HIVEP2: variants seen among roughly 807,000 people sequenced by gnomAD.
HIVEP2 encodes transcription factor HIVEP2.
HIVEP2 carries 14 observed loss-of-function variants against 180.7 expected under a neutral mutation model. The ratio of observed to expected loss-of-function variants is 0.08; its 90% CI spans 0.05 to 0.12. HIVEP2 has a LOEUF of 0.12. HIVEP2 is among the 10% of genes least tolerant of loss of function. The pLI is 1.00. For synonymous variants in HIVEP2, 1,184 were observed against 1,136.4 expected (o/e 1.04, Z -0.84); for missense variants, 2,579 against 3,008.5 (o/e 0.86, Z 3.34).
At chr6:142,755,406 G>A (rs12524093) in intron 9 of HIVEP2, among the ~76,000 whole-genome samples, 14,228 of 152,276 alleles carry the variant, frequency 0.093, 907 homozygotes, top group Non-Finnish European at 0.13. Flanking sequence ...ACCAGTTTGG[G>A]AGGAAGACCT....
At chr6:142,780,425 G>A (rs84578) in intron 3 of HIVEP2, among the ~76,000 whole-genome samples, 110,322 of 152,104 alleles carry the variant, frequency 0.73, 40,604 homozygotes, top group South Asian at 0.8. Context: ...TTTGAAACAT[G>A]TTTGAGGATG....
In HIVEP2 at chr6:142,772,259, T is replaced by C. The variant is rs780771604; in HGVS notation, c.2480A>G (p.Gln827Arg). 44 of 1,614,124 alleles carry C rather than the reference T, an allele frequency of 2.7e-5. 1 individual carries two copies. In the South Asian group the frequency reaches 3.5e-4, roughly 13 times the overall value. Residue 827 changes from glutamine (Q) to arginine (R), a missense_variant, in exon 5 of 10, where the codon CAG (glutamine) becomes CGG (arginine). Transcript: ENST00000367603. This position sits in a 1 kb window ranked among gnomAD's most constrained non-coding sequence, Gnocchi z 4.9. ...CTCTGAAGGGGAAGGGGCTTTATCCTGTGTGCAAGCCACAAGTTCGGCTGA... is the reference window on the plus strand; with the variant it reads ...CTCTGAAGGGGAAGGGGCTTTATCCCGTGTGCAAGCCACAAGTTCGGCTGA... ...SESAELVACT[Q>R]DKAPSPSETC...
rs1405492139 is a variant in HIVEP2 at position 142,774,670 on chromosome 6, T to C, written c.69A>G (p.Ser23=). Reference sequence around the variant, plus strand: ...CTGATTGTTCCTGTCTCCATCTACCTGATGCTTTATCAGTTTCTCCAGACC... The same window carrying C: ...CTGATTGTTCCTGTCTCCATCTACCCGATGCTTTATCAGTTTCTCCAGACC... ...TSRSGETDKA[S]GRWRQEQSAV... is the part of the protein sequence containing the mutation. Residue 23 remains serine (S), a synonymous_variant, in exon 5 of 10, where the codon TCA becomes TCG. Coordinates refer to ENST00000367603, the MANE Select transcript of HIVEP2 (RefSeq NM_006734.4). This position sits in a 1 kb window ranked among gnomAD's most constrained non-coding sequence, Gnocchi z 5.1. 1.2e-6 allele frequency: 2 copies of C among 1,614,212 alleles called. No individual in the cohort carries two copies. The highest frequency in any genetic ancestry group is 8.5e-7 in the Non-Finnish European group (1 of 1,180,012).
rs1440555919 is a variant in HIVEP2, at chr6:142,895,167, G to A, written c.-641+49932C>T. Among the ~76,000 whole-genome samples, 3 of 152,076 alleles carry A rather than the reference G, an allele frequency of 2.0e-5. No homozygotes were observed. In the East Asian group the frequency reaches 5.8e-4, roughly 29 times the overall value. Reference sequence around the variant, plus strand: ...AATTTATAGCCAGTTACCTCTTCTTGAACAGTATCTTGATATGTTTTCTGT... The same window carrying A: ...AATTTATAGCCAGTTACCTCTTCTTAAACAGTATCTTGATATGTTTTCTGT... On this transcript the variant is annotated intron_variant, in intron 1 of 9. Transcript: ENST00000367603.
At chr6:142,926,130 C>CT (rs908555965) in intron 1 of HIVEP2, among the ~76,000 whole-genome samples, 1 of 152,180 alleles carries the variant, frequency 6.6e-6, no homozygotes, top group Non-Finnish European at 1.5e-5. Flanking sequence ...CAAATTTAAA[C>CT]TTTTTTTAAA....
chr6:142,779,014 T>C (rs1775774406), intron 3 of HIVEP2, among the ~76,000 whole-genome samples: 1 of 152,316 alleles, frequency 6.6e-6, no homozygotes, highest in South Asian at 2.1e-4. Context: ...AAAATATGTA[T>C]ATTAAGTATT....
In HIVEP2 at chr6:142,774,384, G is replaced by A; in HGVS notation, c.355C>T (p.Leu119Phe). 6.2e-7 allele frequency: 1 copy of A among 1,614,222 alleles called. No homozygotes were observed. The highest frequency in any genetic ancestry group is 1.1e-5 in the South Asian group (1 of 91,086). Residue 119 changes from leucine (L) to phenylalanine (F), a missense_variant, in exon 5 of 10, where the codon CTC becomes TTC. Transcript: ENST00000367603. The surrounding 1 kb of genome is among the most constrained non-coding windows in gnomAD (Gnocchi z 5.1). ...VMHSTKPHQSLEGPPWLFPGP... is the reference protein window; with the variant it reads ...VMHSTKPHQSFEGPPWLFPGP... ...GGGAAAAGCCACGGAGGACCTTCGA[G>A]GCTCTGATGTGGCTTGGTGCTGTGC...
intron 1 of HIVEP2, among the ~76,000 whole-genome samples, chr6:142,944,598 G>A (rs1394557255): frequency 6.6e-6 from 1 of 152,138 alleles, no homozygotes; most frequent in Non-Finnish European, 1.5e-5. Flanking sequence ...GTGCCGCCGC[G>A]GCAGAGAGCC....
rs201054929 is a variant in HIVEP2, at chr6:142,772,677, A to G, written c.2062T>C (p.Phe688Leu). 1 of 1,614,152 alleles carries G rather than the reference A, an allele frequency of 6.2e-7. No individual in the cohort carries two copies. The highest frequency in any genetic ancestry group is 1.3e-5 in the African/African-American group (1 of 75,028). The change falls in exon 5 of 10, where the codon TTT (phenylalanine) becomes CTT (leucine). Residue 688 changes from phenylalanine to leucine, a missense_variant. Phe to Leu is a conservative substitution (Grantham distance 22). This residue lies in a region of HIVEP2 where 524 missense variants were observed against 563.6 expected (regional missense o/e 0.93). Transcript: ENST00000367603. The surrounding 1 kb of genome is among the most constrained non-coding windows in gnomAD (Gnocchi z 4.9). Reference sequence around the variant, plus strand: ...TTCCTGTTTTCACAGGTAGTTCCAAACATGCTTGGTACTCCCTGCAATGGC... The same window carrying G: ...TTCCTGTTTTCACAGGTAGTTCCAAGCATGCTTGGTACTCCCTGCAATGGC... Reference protein sequence around the residue: ...VVPLQGVPSMFGTTCENRKRR... With the variant: ...VVPLQGVPSMLGTTCENRKRR...
chr6:142,872,884 G>C (rs1386601920), intron 1 of HIVEP2, among the ~76,000 whole-genome samples: 1 of 152,048 alleles, frequency 6.6e-6, no homozygotes, highest in Non-Finnish European at 1.5e-5. Context: ...TATCCCAATG[G>C]TTAGCACCTT....
chr6:142,944,606 G>A (rs1439790652), intron 1 of HIVEP2, among the ~76,000 whole-genome samples: 1 of 152,118 alleles, frequency 6.6e-6, no homozygotes, highest in East Asian at 1.9e-4. Flanking sequence ...GCGGCAGAGA[G>A]CCCCTCGTTA....
intron 2 of HIVEP2, among the ~76,000 whole-genome samples, chr6:142,831,007 G>C (rs541103080): frequency 6.6e-6 from 1 of 152,212 alleles, no homozygotes; most frequent in Admixed American, 6.5e-5. Flanking sequence ...ACACAAAGTA[G>C]GCAGGAGACC....
intron 1 of HIVEP2, among the ~76,000 whole-genome samples, chr6:142,888,119 C>T (rs1314747608): frequency 2.6e-5 from 4 of 152,158 alleles, no homozygotes; most frequent in Admixed American, 6.6e-5. Flanking sequence ...CACTATCCTA[C>T]GCCCAGTCAA....
chr6:142,811,624 T>C (rs1422802656), intron 2 of HIVEP2, among the ~76,000 whole-genome samples: 1 of 152,188 alleles, frequency 6.6e-6, no homozygotes, highest in Non-Finnish European at 1.5e-5. Flanking sequence ...CAACTTTCAG[T>C]TGAAGTAAGA....
In HIVEP2 at chr6:142,760,403, G is replaced by C. The variant is rs1775197175; in HGVS notation, c.5885C>G (p.Ser1962Cys). The C allele has an allele frequency of 6.2e-7, 1 of 1,614,178 alleles. No individual in the cohort carries two copies. Among genetic ancestry groups the C allele is most frequent in the East Asian group, 2.2e-5 (1 of 44,884 alleles). Residue 1962 changes from serine (S) to cysteine (C), a missense_variant, in exon 9 of 10, where the codon TCC becomes TGC. Physicochemically the swap from Ser to Cys is moderately radical, Grantham distance 112 (BLOSUM62 -1). Transcript: ENST00000367603. ...AVPHGVPSDS[S>C]LGHSSLISYL... ...GCTGATCAACGAAGAATGTCCCAGG[G>C]AACTATCTGAAGGAACCCCGTGGGG...
chr6:142,844,033 G>A (rs976583466), intron 1 of HIVEP2, among the ~76,000 whole-genome samples: 1 of 151,882 alleles, frequency 6.6e-6, no homozygotes, highest in Admixed American at 6.6e-5. Context: ...CTTTCGGATG[G>A]CACATACCCA....
intron 7 of HIVEP2, among the ~76,000 whole-genome samples, chr6:142,764,452 C>T (rs1226393579): frequency 6.6e-6 from 1 of 152,226 alleles, no homozygotes; most frequent in Non-Finnish European, 1.5e-5. Context: ...CCTTGCTTCT[C>T]TAATACCACT....
intron 1 of HIVEP2, among the ~76,000 whole-genome samples, chr6:142,911,768 G>A (rs1482195364): frequency 6.6e-6 from 1 of 152,176 alleles, no homozygotes; most frequent in Non-Finnish European, 1.5e-5. Context: ...GGAAATGTGT[G>A]TGAGTGTTTG....
At chr6:142,930,723 A>G (rs949162640) in intron 1 of HIVEP2, among the ~76,000 whole-genome samples, 1 of 152,228 alleles carries the variant, frequency 6.6e-6, no homozygotes, top group African/African-American at 2.4e-5. Flanking sequence ...TAAATACTTC[A>G]GAATAGGCCC....
Sources: gnomAD v4.1 joint callset for allele counts (sites outside exome capture counted in the v4.1 genomes callset) on GRCh38, gnomAD v4.1.1 for gene constraint, gnomAD v4.1.1 regional missense constraint, Gnocchi (gnomAD v3.1) non-coding constraint, MANE v1.5 for transcripts, NCBI Gene and HGNC (gene_info 2026-07-23, HGNC 2026-07-21) for gene names.